The following ENO2 variants were observed in gnomAD, a reference collection of about 807,000 sequenced individuals.
ENO2 encodes gamma-enolase.
A neutral mutation model predicts 48.7 loss-of-function variants in ENO2; 19 were observed. The ratio of observed to expected loss-of-function variants is 0.39; its 90% CI spans 0.27 to 0.57. The LOEUF (loss-of-function observed/expected upper bound fraction) is 0.57. ENO2 is among the 20% of genes least tolerant of loss of function. The pLI, the probability that ENO2 is intolerant of heterozygous loss-of-function variation, is 0.58. For synonymous variants in ENO2, 198 were observed against 213.4 expected (o/e 0.93, Z 0.63); for missense variants, 416 against 555.0 (o/e 0.75, Z 2.52).
chr12:6,917,395 C>T (rs1555141713), intron 5 of ENO2, 186 bp from the exon 6 acceptor site: 2 of 843,256 alleles, frequency 2.4e-6, no homozygotes, highest in African/African-American at 3.4e-5. Flanking sequence ...TTTCCAATCT[C>T]CTCCTCCCCA....
At chr12:6,915,708 CACTGCAGTAACCTCTTT>C in intron 1 of ENO2, 96 bp from the exon 2 acceptor site, 23 of 378,508 alleles carry the variant, frequency 6.1e-5, no homozygotes, top group South Asian at 1.9e-4. Flanking sequence ...ACCCCCCACC[CACTGCAGTAACCTCTTT>C]CCCATCCCTC....
chr12:6,917,799 G>T, intron 6 of ENO2, 85 bp downstream of exon 6: 1 of 1,589,224 alleles, frequency 6.3e-7, no homozygotes, highest in South Asian at 1.1e-5. Context: ...GGAGGAAAGT[G>T]AATTGAGGGA....
chr12:6,915,466 C>G (rs1163487495), intron 1 of ENO2: 1 of 277,976 alleles, frequency 3.6e-6, no homozygotes, highest in African/African-American at 2.1e-5. Context: ...CCATTCCGCT[C>G]TGAGGAGATC....
At chr12:6,918,228 C>T in intron 7 of ENO2, 66 bp downstream of exon 7, 1 of 1,535,522 alleles carries the variant, frequency 6.5e-7, no homozygotes. Flanking sequence ...GAAAGGGTGA[C>T]ACAGTTCACC....
At chr12:6,918,914 G>A (rs1399478450) in intron 7 of ENO2, among the ~76,000 whole-genome samples, 6 of 150,884 alleles carry the variant, frequency 4.0e-5, no homozygotes, top group African/African-American at 7.3e-5. Context: ...CCCGGGAGGC[G>A]GAGGTTGTGG....
intron 5 of ENO2, 119 bp from the exon 6 acceptor site, chr12:6,917,462 G>A: frequency 7.3e-7 from 1 of 1,375,626 alleles, no homozygotes; most frequent in Non-Finnish European, 9.8e-7. Context: ...GCTGGGGCAG[G>A]GGTGGGGAGG....
Position 6,916,821 on chromosome 12 carries a change from T to C in ENO2, c.240+92T>C. ...GAGGAAGGGAAGAAAGAAGGCCCAC[T>C]CTTAGGAATCATGGTTACAAGGGGG... On this transcript the variant is annotated intron_variant, in intron 4 of 11. Coordinates refer to ENST00000229277, the MANE Select transcript of ENO2 (RefSeq NM_001975.3). This position sits in a 1 kb window ranked among gnomAD's most constrained non-coding sequence, Gnocchi z 4.5. 1 of 1,536,202 alleles carries C rather than the reference T, an allele frequency of 6.5e-7. No individual in the cohort carries two copies. Among genetic ancestry groups the C allele is most frequent in the Non-Finnish European group, 8.9e-7 (1 of 1,121,988 alleles).
chr12:6,922,881 C>A lies in ENO2; in HGVS notation c.*81C>A. Reference sequence around the variant, plus strand: ...TGTCCTGATCTGTGATAGTTCACCCCCTGAGATCCCCTGAGCCCCAGGGTG... The same window carrying A: ...TGTCCTGATCTGTGATAGTTCACCCACTGAGATCCCCTGAGCCCCAGGGTG... On this transcript the variant is annotated 3_prime_UTR_variant, in exon 12 of 12. Transcript: ENST00000229277. This position sits in a 1 kb window ranked among gnomAD's most constrained non-coding sequence, Gnocchi z 5.3. The A allele has an allele frequency of 6.7e-7, 1 of 1,495,754 alleles. No homozygotes were observed. Among genetic ancestry groups the A allele is most frequent in the South Asian group, 1.1e-5 (1 of 88,160 alleles). The allele number at this position is 1,495,754 out of a possible 1,614,324, so 92.7% of individuals were successfully genotyped here.
chr12:6,917,910 T>A (rs1945306771), intron 6 of ENO2, 30 bp from the exon 7 acceptor site: 1 of 1,612,258 alleles, frequency 6.2e-7, no homozygotes, highest in African/African-American at 1.3e-5. Flanking sequence ...AGGGGCTCTT[T>A]GACCCTTCTG....
Position 6,922,552 on chromosome 12 carries a change from A to G in ENO2, c.1235+150A>G. 1 of 1,292,388 alleles carries G rather than the reference A, an allele frequency of 7.7e-7. No individual in the cohort carries two copies. Among genetic ancestry groups the G allele is most frequent in the Non-Finnish European group, 1.1e-6 (1 of 900,026 alleles). 80.1% of individuals were successfully genotyped at this position (1,292,388 alleles called of 1,614,324 possible). On this transcript the variant is annotated intron_variant, in intron 11 of 11. Transcript: ENST00000229277. This position sits in a 1 kb window ranked among gnomAD's most constrained non-coding sequence, Gnocchi z 5.3. ...ATATTGGTTTTTGCTTCCTGGGTTT[A>G]TTGATGGCCTGATTGACAAATCCCA...
At chr12:6,920,450 A>G (rs1945330483) in intron 8 of ENO2, among the ~76,000 whole-genome samples, 1 of 144,100 alleles carries the variant, frequency 6.9e-6, no homozygotes, top group South Asian at 2.3e-4. Context: ...CCCAGGCTGG[A>G]GTGCAATGGC....
rs1256692496 is a variant in ENO2, at chr12:6,918,066, A to G, written c.571A>G (p.Thr191Ala). The G allele has an allele frequency of 6.2e-7, 1 of 1,614,174 alleles. No homozygotes were observed. Among genetic ancestry groups the G allele is most frequent in the African/African-American group, 1.3e-5 (1 of 75,046 alleles). The stretch of plus-strand genomic sequence containing the variant: ...GCGACTAGGTGCAGAGGTCTACCAT[A>G]CACTCAAGGGAGTCATCAAGGACAA... ...AMRLGAEVYH[T>A]LKGVIKDKYG... The change falls in exon 7 of 12, where the codon ACA (threonine) becomes GCA (alanine). Residue 191 changes from threonine to alanine, a missense_variant. Physicochemically the swap from Thr to Ala is moderately conservative, Grantham distance 58. Coordinates refer to ENST00000229277, the MANE Select transcript of ENO2 (RefSeq NM_001975.3).
intron 5 of ENO2, 122 bp downstream of exon 5, chr12:6,917,229 C>CTCAAAGCCAGAGCAAG: frequency 8.0e-7 from 1 of 1,256,948 alleles, no homozygotes. Context: ...GCATTCTCCT[C>CTCAAAGCCAGAGCAAG]TCAAAGCCAG....
chr12:6,921,597 C>A lies in ENO2; in HGVS notation c.882C>A (p.Asp294Glu), dbSNP rs1005359464. The change falls in exon 9 of 12, where the codon GAC (aspartate) becomes GAA (glutamate). Residue 294 changes from aspartate to glutamate, a missense_variant. Coordinates refer to ENST00000229277, the MANE Select transcript of ENO2 (RefSeq NM_001975.3). ...VRDYPVVSIE[D>E]PFDQDDWAAW... ...TCTCTGCAGTGGTCTCCATTGAGGA[C>A]CCATTTGACCAGGATGATTGGGCTG... The A allele has an allele frequency of 1.9e-6, 3 of 1,613,960 alleles. No individual in the cohort carries two copies. Among genetic ancestry groups the A allele is most frequent in the Non-Finnish European group, 2.5e-6 (3 of 1,180,022 alleles).
chr12:6,917,348 C>G, intron 5 of ENO2: 1 of 707,222 alleles, frequency 1.4e-6, no homozygotes, highest in South Asian at 1.9e-5. Flanking sequence ...AGTCTGTGGT[C>G]TCAGGGATAT....
rs782262879 is a variant in ENO2 at position 6,916,497 on chromosome 12, C to T, written c.166C>T (p.Arg56Cys). The T allele has an allele frequency of 8.1e-6, 13 of 1,613,952 alleles. No individual in the cohort carries two copies. The highest frequency in any genetic ancestry group is 1.1e-5 in the Non-Finnish European group (13 of 1,179,988). ...GGAGCTGAGGGATGGAGACAAACAG[C>T]GTTACTTAGGCAAAGGTGAGGTCCC... ...ALELRDGDKQRYLGKGVLKAV... is the reference protein window; with the variant it reads ...ALELRDGDKQCYLGKGVLKAV... The change falls in exon 3 of 12, where the codon CGT becomes TGT. Residue 56 changes from arginine (R) to cysteine (C), a missense_variant. Transcript: ENST00000229277. The surrounding 1 kb of genome is among the most constrained non-coding windows in gnomAD (Gnocchi z 4.5).
At chr12:6,919,535 G>T in intron 7 of ENO2, 31 bp from the exon 8 acceptor site, 1 of 1,612,346 alleles carries the variant, frequency 6.2e-7, no homozygotes, top group Non-Finnish European at 8.5e-7. Context: ...CCTCCTGCTT[G>T]TACTATAATC....
At chr12:6,917,417 C>T in intron 5 of ENO2, 164 bp from the exon 6 acceptor site, 4 of 982,438 alleles carry the variant, frequency 4.1e-6, no homozygotes, top group South Asian at 1.7e-5. Context: ...CCATTCCTCT[C>T]CCTGCTGTTT....
chr12:6,921,405 A>AT, intron 8 of ENO2, 176 bp from the exon 9 acceptor site: 1 of 617,702 alleles, frequency 1.6e-6, no homozygotes, highest in East Asian at 2.9e-5. Context: ...AAAAAAAAAA[A>AT]GTTAAGAATC....
Sources: allele counts gnomAD v4.1 joint callset (sites outside exome capture counted in the v4.1 genomes callset), GRCh38; gene constraint gnomAD v4.1.1; non-coding constraint Gnocchi (gnomAD v3.1); transcripts MANE v1.5; gene names NCBI Gene and HGNC (gene_info 2026-07-23, HGNC 2026-07-21).